Variants in LCOR observed in about 807,000 individuals in gnomAD.
LCOR encodes ligand-dependent corepressor.
Under a neutral mutation model 64.4 loss-of-function variants are expected in LCOR, and 14 were observed. The observed-to-expected ratio is 0.22, with a 90% CI of 0.14 to 0.34. The LOEUF is 0.34. Among genes scored for constraint, LCOR ranks in the 10% least tolerant of loss-of-function variants. The pLI, the probability that LCOR is intolerant of heterozygous loss-of-function variation, is 1.00. For missense variants in LCOR, 1,686 were observed against 1,765.3 expected, an observed-to-expected ratio of 0.96 and a Z score of 0.80; for synonymous variants, 643 against 642.5, an observed-to-expected ratio of 1.00 and a Z score of -0.01.
At chr10:96,943,665 T>C (rs1210002705) in intron 4 of LCOR, among the ~76,000 whole-genome samples, 1 of 152,042 alleles carries the variant, frequency 6.6e-6, no homozygotes, top group Non-Finnish European at 1.5e-5. Context: ...GTTTTGTGTC[T>C]GGTGAAAAAC....
At chr10:96,979,040 A>G (rs1848060621) in intron 7 of LCOR, among the ~76,000 whole-genome samples, 2 of 152,316 alleles carry the variant, frequency 1.3e-5, no homozygotes, top group South Asian at 4.1e-4. Flanking sequence ...TCCATATTCC[A>G]CAGCCTATGC....
intron 4 of LCOR, among the ~76,000 whole-genome samples, chr10:96,914,588 T>C (rs1404715170): frequency 6.6e-6 from 1 of 152,238 alleles, no homozygotes; most frequent in Non-Finnish European, 1.5e-5. Context: ...TAAACAATTG[T>C]AGTATTTAAA....
intron 2 of LCOR, among the ~76,000 whole-genome samples, chr10:96,890,792 CT>C (rs1260672890): frequency 6.6e-6 from 1 of 152,304 alleles, no homozygotes; most frequent in African/African-American, 2.4e-5. Flanking sequence ...CCTATGTCAA[CT>C]GAGATGATCA....
chr10:96,926,105 G>A (rs1847162923), intron 4 of LCOR, among the ~76,000 whole-genome samples: 1 of 152,086 alleles, frequency 6.6e-6, no homozygotes, highest in African/African-American at 2.4e-5. Context: ...TCTAACAATG[G>A]AATCCATTTT....
intron 4 of LCOR, among the ~76,000 whole-genome samples, chr10:96,941,093 G>T (rs1347521845): frequency 1.7e-5 from 2 of 119,134 alleles, no homozygotes; most frequent in Non-Finnish European, 3.6e-5. Flanking sequence ...CGGACGGGGC[G>T]GCTGGCCGGG....
At chr10:96,915,956 G>A (rs572831076) in intron 4 of LCOR, 33 of 318,152 alleles carry the variant, frequency 1.0e-4, no homozygotes, top group South Asian at 8.7e-4. Context: ...GCAGTGGTGC[G>A]TGGCCTTTGG....
chr10:96,924,821 A>G (rs1847140320), intron 4 of LCOR, among the ~76,000 whole-genome samples: 1 of 152,196 alleles, frequency 6.6e-6, no homozygotes, highest in South Asian at 2.1e-4. Context: ...GAACAAGGAT[A>G]TCTGCTTACT....
In LCOR at chr10:96,994,498, T is replaced by C. The variant is rs1034204346; in HGVS notation, c.*9364T>C. The C allele has an allele frequency of 2.0e-5, 3 of 152,262 alleles. No homozygotes were observed. The highest frequency in any genetic ancestry group is 1.3e-4 in the Admixed American group (2 of 15,294). The allele number at this position is 152,262 out of a possible 1,614,324, so 9.4% of individuals were successfully genotyped here. On this transcript the variant is annotated 3_prime_UTR_variant, in exon 8 of 8. Transcript: ENST00000421806. ...GAAGTAATGTAGTTTTTTAGGCTTT[T>C]GGAATATGTCTTCTCTTTTGTATTT...
At chr10:96,914,973 G>T (rs1846912264) in intron 4 of LCOR, among the ~76,000 whole-genome samples, 1 of 152,186 alleles carries the variant, frequency 6.6e-6, no homozygotes, top group Non-Finnish European at 1.5e-5. Flanking sequence ...TTGAAAGGTG[G>T]AAAGGGAGAA....
At chr10:96,846,930 G>A (rs1269506424) in intron 2 of LCOR, among the ~76,000 whole-genome samples, 1 of 152,106 alleles carries the variant, frequency 6.6e-6, no homozygotes, top group Non-Finnish European at 1.5e-5. Flanking sequence ...AAAGGTAAAG[G>A]TATGTAAGTG....
At chr10:96,956,407 T>C in intron 7 of LCOR, 2 of 984,710 alleles carry the variant, frequency 2.0e-6, no homozygotes, top group Non-Finnish European at 2.4e-6. Context: ...ACGATTCAAC[T>C]AATCGAAGGA....
chr10:96,864,134 C>A (rs536339336), intron 2 of LCOR, among the ~76,000 whole-genome samples: 1 of 152,086 alleles, frequency 6.6e-6, no homozygotes, highest in Non-Finnish European at 1.5e-5. Flanking sequence ...GGAAGCACAT[C>A]ATAAAATACA....
At chr10:96,979,970 C>T (rs542881236) in intron 7 of LCOR, among the ~76,000 whole-genome samples, 46 of 152,252 alleles carry the variant, frequency 3.0e-4, no homozygotes, top group Non-Finnish European at 5.3e-4. Context: ...ATGGTGAAAC[C>T]CCGTCTCTAC....
At chr10:96,891,526 GAC>G (rs1564617051) in intron 2 of LCOR, among the ~76,000 whole-genome samples, 1 of 11,778 alleles carries the variant, frequency 8.5e-5, no homozygotes, top group Non-Finnish European at 1.8e-4. Context: ...ACTCTGTCTT[GAC>G]TCTTTTTTTT....
At chr10:96,881,200 G>A (rs1370832850) in intron 2 of LCOR, among the ~76,000 whole-genome samples, 1 of 152,122 alleles carries the variant, frequency 6.6e-6, no homozygotes, top group Non-Finnish European at 1.5e-5. Context: ...TTGAATCCCA[G>A]CCTCTCTCCT....
rs1564646585 is a variant in LCOR at position 96,984,285 on chromosome 10, T to C, written c.3825T>C (p.Asp1275=). The C allele has an allele frequency of 1.2e-6, 2 of 1,614,170 alleles. No individual in the cohort carries two copies. Among genetic ancestry groups the C allele is most frequent in the Non-Finnish European group, 1.7e-6 (2 of 1,180,026 alleles). The change falls in exon 8 of 8, where the codon GAT becomes GAC. Residue 1275 remains aspartate (D), a synonymous_variant. Transcript: ENST00000421806. The part of the protein sequence containing the change: ...PDQVEPEDGS[D]VSPGPNSEDS... The stretch of plus-strand genomic sequence containing the variant: ...AAGTGGAGCCAGAAGATGGCAGTGA[T>C]GTCAGCCCCGGCCCTAATTCTGAAG...
intron 2 of LCOR, among the ~76,000 whole-genome samples, chr10:96,856,505 CTT>C (rs2134386088): frequency 1.3e-5 from 2 of 149,636 alleles, no homozygotes; most frequent in African/African-American, 4.9e-5. Context: ...TTCTCTCTCT[CTT>C]TCAGTCCCCA....
chr10:96,986,333 G>C lies in LCOR; in HGVS notation c.*1199G>C, dbSNP rs374062129. The C allele has an allele frequency of 1.0e-3, 157 of 155,198 alleles. No homozygotes were observed. Among genetic ancestry groups the C allele is most frequent in the African/African-American group, 3.6e-3 (148 of 41,540 alleles). The allele number at this position is 155,198 out of a possible 1,614,324, so 9.6% of individuals were successfully genotyped here. A position where few individuals can be genotyped will look rare whatever the true frequency, so the allele number is the denominator to read the frequency against. ...GACTCAGAAAGATCTAAAACAGCAT[G>C]GAGTTATGTAAAGGTTAGAGCAGCC... On this transcript the variant is annotated 3_prime_UTR_variant, in exon 8 of 8. Coordinates refer to ENST00000421806, the MANE Select transcript of LCOR (RefSeq NM_001346516.2).
chr10:96,952,525 A>T (rs528880312), intron 7 of LCOR, among the ~76,000 whole-genome samples: 175 of 152,140 alleles, frequency 1.2e-3, no homozygotes, highest in Admixed American at 2.7e-3. Context: ...AAGCTGTTTA[A>T]TGAAAATTGA....
Sources: allele counts gnomAD v4.1 joint callset (sites outside exome capture counted in the v4.1 genomes callset), GRCh38; gene constraint gnomAD v4.1.1; transcripts MANE v1.5; gene names NCBI Gene and HGNC (gene_info 2026-07-23, HGNC 2026-07-21).